Variants in CPPED1 observed in about 807,000 individuals in gnomAD.
CPPED1 encodes calcineurin like phosphoesterase domain containing 1.
In CPPED1, 28 loss-of-function variants were observed where a neutral mutation model predicts 28.0. That is an observed-to-expected ratio of 1.00 (90% CI 0.74 to 1.37). The LOEUF (loss-of-function observed/expected upper bound fraction) is 1.37, where lower values mean the gene tolerates loss of function less well. Ranked by LOEUF, CPPED1 falls within the 40% of genes most tolerant of loss-of-function variation. CPPED1 has a pLI of 0.00. For missense variants in CPPED1, 504 were observed against 416.5 expected, an observed-to-expected ratio of 1.21 and a Z score of -1.83; for synonymous variants, 198 against 180.2, an observed-to-expected ratio of 1.10 and a Z score of -0.79.
At chr16:12,750,031 C>T (rs553650898) in intron 2 of CPPED1, among the ~76,000 whole-genome samples, 10 of 152,268 alleles carry the variant, frequency 6.6e-5, no homozygotes, top group African/African-American at 1.7e-4. Flanking sequence ...ATACATTAAA[C>T]GTTTCTGTTG....
At chr16:12,687,150 T>A (rs2079937532) in intron 3 of CPPED1, among the ~76,000 whole-genome samples, 1 of 152,216 alleles carries the variant, frequency 6.6e-6, no homozygotes, top group Admixed American at 6.5e-5. Flanking sequence ...GTTTGCCAAC[T>A]CTTGACCTAT....
chr16:12,675,918 G>T (rs375327132), intron 3 of CPPED1, among the ~76,000 whole-genome samples: 2 of 152,222 alleles, frequency 1.3e-5, no homozygotes, highest in East Asian at 3.8e-4. Context: ...TGCCGGTAAA[G>T]AATTTCCTTA....
At chr16:12,719,037 T>C (rs2080123382) in intron 2 of CPPED1, among the ~76,000 whole-genome samples, 1 of 152,004 alleles carries the variant, frequency 6.6e-6, no homozygotes, top group African/African-American at 2.4e-5. Flanking sequence ...GAAAGGCATG[T>C]CTTACATGGC....
chr16:12,713,174 G>C (rs928151676), intron 2 of CPPED1, among the ~76,000 whole-genome samples: 1 of 152,036 alleles, frequency 6.6e-6, no homozygotes, highest in Non-Finnish European at 1.5e-5. Flanking sequence ...AGGACGAATT[G>C]TGTTCTTTCT....
chr16:12,671,259 GATTA>G (rs1434327346), intron 3 of CPPED1, among the ~76,000 whole-genome samples: 2 of 152,162 alleles, frequency 1.3e-5, no homozygotes, highest in Non-Finnish European at 2.9e-5. Flanking sequence ...GACATATTAA[GATTA>G]ATTAAAGCCC....
intron 2 of CPPED1, among the ~76,000 whole-genome samples, chr16:12,722,927 T>A (rs538104471): frequency 6.6e-6 from 1 of 152,174 alleles, no homozygotes; most frequent in African/African-American, 2.4e-5. Flanking sequence ...TAATGTGAAA[T>A]GAGCTGAGGG....
intron 2 of CPPED1, among the ~76,000 whole-genome samples, chr16:12,766,848 G>A (rs552609749): frequency 2.0e-5 from 3 of 152,296 alleles, no homozygotes; most frequent in African/African-American, 7.2e-5. Context: ...TCAGAGGGCT[G>A]GTCTGGTGTC....
chr16:12,687,709 C>T (rs1204864945), intron 3 of CPPED1, among the ~76,000 whole-genome samples: 1 of 152,108 alleles, frequency 6.6e-6, no homozygotes, highest in African/African-American at 2.4e-5. Context: ...ATTCCACAAC[C>T]CTGACTGGAA....
At chr16:12,730,238 G>A (rs974304101) in intron 2 of CPPED1, among the ~76,000 whole-genome samples, 2 of 152,088 alleles carry the variant, frequency 1.3e-5, no homozygotes, top group African/African-American at 2.4e-5. Context: ...TGAGCCTCAA[G>A]CAATCCTCCC....
chr16:12,687,072 T>C (rs1375235477), intron 3 of CPPED1, among the ~76,000 whole-genome samples: 1 of 152,176 alleles, frequency 6.6e-6, no homozygotes, highest in Non-Finnish European at 1.5e-5. Context: ...AGCACTTGTA[T>C]CATAATCTCA....
In CPPED1 at chr16:12,681,892, G is replaced by C. The variant is rs1224496995; in HGVS notation, c.716-16777C>G. Among the ~76,000 whole-genome samples, 3 of 152,232 alleles carry C rather than the reference G, an allele frequency of 2.0e-5. No individual in the cohort carries two copies. The East Asian group carries it at 5.8e-4, about 29-fold the overall frequency. ...ACACTCCAGGGCAAAGAGCAGAATT[G>C]GGAAATAATTACTCTCCAGGGGCTA... On this transcript the variant is annotated intron_variant, in intron 3 of 3. Transcript: ENST00000381774.
rs4399523 is a variant in CPPED1, at chr16:12,777,639, T to A, written c.289+3546A>T. On this transcript the variant is annotated intron_variant, in intron 2 of 3. Transcript: ENST00000381774. The stretch of plus-strand genomic sequence containing the variant: ...TTTGTGTGAAACAAAGAAGCCTGTA[T>A]CTCTTAAGGATTTTCCTATGGGCTT... Among the ~76,000 whole-genome samples, 3 of 152,324 alleles carry A rather than the reference T, an allele frequency of 2.0e-5. No homozygotes were observed. In the East Asian group the frequency reaches 5.8e-4, roughly 29 times the overall value.
intron 3 of CPPED1, among the ~76,000 whole-genome samples, chr16:12,702,615 G>A (rs973889788): frequency 2.0e-5 from 3 of 151,998 alleles, no homozygotes; most frequent in Non-Finnish European, 4.4e-5. Context: ...CCTACAAGGG[G>A]AAAACCACAG....
intron 1 of CPPED1, among the ~76,000 whole-genome samples, chr16:12,792,530 A>C (rs561895310): frequency 2.6e-5 from 4 of 152,232 alleles, no homozygotes; most frequent in Admixed American, 2.6e-4. Flanking sequence ...ATCCCCCCAG[A>C]TAGACCACTA....
In CPPED1 at chr16:12,684,231, C is replaced by A. The variant is rs144725825; in HGVS notation, c.716-19116G>T. Among the ~76,000 whole-genome samples the A allele has an allele frequency of 4.9e-4, 74 of 152,312 alleles. 1 individual carries two copies. The highest frequency in any genetic ancestry group is 3.4e-3 in the Middle Eastern group (1 of 294). On this transcript the variant is annotated intron_variant, in intron 3 of 3. Coordinates refer to ENST00000381774, the MANE Select transcript of CPPED1 (RefSeq NM_018340.3). ...GAGCCATCTTTCTCAAATGCAAAAC[C>A]TGGGCACAGTGGCTCATGCCTGTAA...
In CPPED1 at chr16:12,682,424, A is replaced by G. The variant is rs938900; in HGVS notation, c.716-17309T>C. ...CTTACAGATTCAAAACCTGTAGAAT[A>G]TGCAAGAGGAGGGCTGTATTTTTTT... On this transcript the variant is annotated intron_variant, in intron 3 of 3. Coordinates refer to ENST00000381774, the MANE Select transcript of CPPED1 (RefSeq NM_018340.3). This position sits in a 1 kb window ranked among gnomAD's most constrained non-coding sequence, Gnocchi z 6.1. Among the ~76,000 whole-genome samples the G allele has an allele frequency of 0.51, 77,345 of 152,004 alleles. 21,100 individuals are homozygous for G. Among genetic ancestry groups the G allele is most frequent in the South Asian group, 0.69 (3,329 of 4,814 alleles).
At chr16:12,802,971 C>T (rs901648045) in intron 1 of CPPED1, among the ~76,000 whole-genome samples, 1 of 152,158 alleles carries the variant, frequency 6.6e-6, no homozygotes, top group African/African-American at 2.4e-5. Flanking sequence ...CTGCAGGCAG[C>T]AAAAAGCCAC....
intron 2 of CPPED1, among the ~76,000 whole-genome samples, chr16:12,777,557 C>T (rs1402295803): frequency 1.3e-5 from 2 of 152,144 alleles, no homozygotes; most frequent in Non-Finnish European, 2.9e-5. Flanking sequence ...GAATAAAATA[C>T]CAAGATAACC....
intron 2 of CPPED1, among the ~76,000 whole-genome samples, chr16:12,761,556 A>G (rs1016992925): frequency 6.6e-6 from 1 of 152,216 alleles, no homozygotes; most frequent in African/African-American, 2.4e-5. Flanking sequence ...GCTTAGGTTT[A>G]CCCAATGATA....
Sources: gnomAD v4.1 joint callset for allele counts (sites outside exome capture counted in the v4.1 genomes callset) on GRCh38, gnomAD v4.1.1 for gene constraint, Gnocchi (gnomAD v3.1) non-coding constraint, MANE v1.5 for transcripts, NCBI Gene and HGNC (gene_info 2026-07-23, HGNC 2026-07-21) for gene names.